Variants in TENT2 observed in about 807,000 individuals in gnomAD.
TENT2 encodes poly(A) RNA polymerase GLD2.
Under a neutral mutation model 72.2 loss-of-function variants are expected in TENT2, and 44 were observed. The observed-to-expected ratio is 0.61, with a 90% CI of 0.48 to 0.78. TENT2 has a LOEUF of 0.78. TENT2 is among the 30% of genes least tolerant of loss of function. TENT2 has a pLI of 0.00. For missense variants in TENT2, 541 were observed against 569.6 expected (o/e 0.95, Z 0.51); for synonymous variants, 212 against 192.5 (o/e 1.10, Z -0.84).
intron 3 of TENT2, among the ~76,000 whole-genome samples, chr5:79,622,115 A>G (rs1429516948): frequency 6.6e-6 from 1 of 152,178 alleles, no homozygotes; most frequent in Non-Finnish European, 1.5e-5. Context: ...AGCCTGGCCA[A>G]CATGGTGAAA....
chr5:79,666,210 A>G (rs940722789), intron 11 of TENT2, among the ~76,000 whole-genome samples: 1 of 149,906 alleles, frequency 6.7e-6, no homozygotes, highest in Non-Finnish European at 1.5e-5. Flanking sequence ...GCTGGTCTCG[A>G]ACTCCTGACC....
At position 79,649,068 on chromosome 5, in the gene TENT2, A is replaced by C; in HGVS notation, c.905A>C (p.Asn302Thr). Reference protein sequence around the residue: ...FLLRTYAYLENRVRPLVLVIK... With the variant: ...FLLRTYAYLETRVRPLVLVIK... ...GTTTTAATTTTACTTTCAGTTGAAA[A>C]TCGAGTTCGTCCGTTAGTGCTGGTG... Residue 302 changes from asparagine to threonine, a missense_variant, in exon 10 of 15, where the codon AAT becomes ACT. Physicochemically the swap from Asn to Thr is moderately conservative, Grantham distance 65. Coordinates refer to ENST00000453514, the MANE Select transcript of TENT2 (RefSeq NM_001114394.3). The C allele has an allele frequency of 6.2e-7, 1 of 1,613,156 alleles. No homozygotes were observed. The highest frequency in any genetic ancestry group is 8.5e-7 in the Non-Finnish European group (1 of 1,179,518).
chr5:79,663,196 G>T (rs1339980787), intron 11 of TENT2, among the ~76,000 whole-genome samples: 1 of 152,182 alleles, frequency 6.6e-6, no homozygotes, highest in African/African-American at 2.4e-5. Context: ...TTGGCTTAAA[G>T]AAGTATTTTG....
chr5:79,636,996 A>G (rs895127079), intron 4 of TENT2, among the ~76,000 whole-genome samples: 3 of 152,194 alleles, frequency 2.0e-5, no homozygotes, highest in African/African-American at 7.2e-5. Context: ...TTTTGTTTAC[A>G]CATTCTTCTG....
intron 4 of TENT2, 29 bp from the exon 5 acceptor site, chr5:79,640,822 C>G: frequency 6.7e-7 from 1 of 1,481,616 alleles, no homozygotes; most frequent in Non-Finnish European, 9.3e-7. Context: ...CTGAACAAAA[C>G]TTTTACTTTT....
chr5:79,613,787 C>T (rs867746607), intron 1 of TENT2: 2 of 152,244 alleles, frequency 1.3e-5, no homozygotes, highest in South Asian at 4.1e-4. Flanking sequence ...CTGTTCAAAA[C>T]CTGGAAGTAG....
At position 79,687,529 on chromosome 5, in the gene TENT2, T is replaced by A. The variant is rs1446244242; in HGVS notation, c.*2256T>A. 6.6e-6 allele frequency among the ~76,000 whole-genome samples: 1 copy of A among 152,206 alleles called. No individual in the cohort carries two copies. The highest frequency in any genetic ancestry group is 2.4e-5 in the African/African-American group (1 of 41,450). ...TTTAAATCATCTCTAAATTACCTGA[T>A]ACGTAATACAATGTAAATGCTATGT... On this transcript the variant is annotated 3_prime_UTR_variant, in exon 15 of 15. Transcript: ENST00000453514.
At chr5:79,626,869 C>A (rs944864991) in intron 4 of TENT2, among the ~76,000 whole-genome samples, 1 of 151,950 alleles carries the variant, frequency 6.6e-6, no homozygotes, top group Admixed American at 6.6e-5. Context: ...TGGTGGCTCA[C>A]GCCTGTAATC....
At chr5:79,657,206 G>C (rs1444362546) in intron 11 of TENT2, among the ~76,000 whole-genome samples, 2 of 151,972 alleles carry the variant, frequency 1.3e-5, no homozygotes, top group Admixed American at 6.5e-5. Context: ...CAGACAGTCT[G>C]GTCAGTTGTG....
At chr5:79,663,847 A>G (rs749427261) in intron 11 of TENT2, among the ~76,000 whole-genome samples, 2 of 152,210 alleles carry the variant, frequency 1.3e-5, no homozygotes, top group Non-Finnish European at 2.9e-5. Context: ...TTCAATTTGT[A>G]AAAACTGCAG....
At chr5:79,676,540 T>C (rs1817492094) in intron 12 of TENT2, among the ~76,000 whole-genome samples, 2 of 152,048 alleles carry the variant, frequency 1.3e-5, no homozygotes, top group African/African-American at 4.8e-5. Flanking sequence ...TGAACTGGGA[T>C]TGCGTCACTG....
At chr5:79,679,755 A>C in intron 13 of TENT2, 85 bp downstream of exon 13, 1 of 717,780 alleles carries the variant, frequency 1.4e-6, no homozygotes, top group Non-Finnish European at 2.1e-6. Context: ...GTTAAAAGTA[A>C]TACATTTATG....
At chr5:79,638,311 GC>G (rs1297548140) in intron 4 of TENT2, among the ~76,000 whole-genome samples, 1 of 152,012 alleles carries the variant, frequency 6.6e-6, no homozygotes, top group East Asian at 1.9e-4. Flanking sequence ...CCTTTCACCT[GC>G]CCTGCCTGGT....
chr5:79,636,096 A>G (rs370365273), intron 4 of TENT2, among the ~76,000 whole-genome samples: 15 of 170 alleles, frequency 0.088, no homozygotes, highest in East Asian at 0.36. Flanking sequence ...TAGTTCGCCA[A>G]CCCTGCTCTA....
chr5:79,651,905 G>A lies in TENT2; in HGVS notation c.1027+2715G>A, dbSNP rs1794437218. ...AAATTGGCATTCTACATTCTTGACAGAATATAATCTTATACTCTGTCCTGT... is the reference window on the plus strand; with the variant it reads ...AAATTGGCATTCTACATTCTTGACAAAATATAATCTTATACTCTGTCCTGT... On this transcript the variant is annotated intron_variant, in intron 10 of 14. Coordinates refer to ENST00000453514, the MANE Select transcript of TENT2 (RefSeq NM_001114394.3). Among the ~76,000 whole-genome samples, 3 of 152,044 alleles carry A rather than the reference G, an allele frequency of 2.0e-5. No individual in the cohort carries two copies. In the South Asian group the frequency reaches 6.2e-4, roughly 31 times the overall value.
At position 79,683,944 on chromosome 5, in the gene TENT2, A is replaced by AAAG. The variant is rs1824461392; in HGVS notation, c.1381-1253_1381-1252insGAA. Among the ~76,000 whole-genome samples, 5 of 148,640 alleles carry AAAG rather than the reference A, an allele frequency of 3.4e-5. No homozygotes were observed. The South Asian group carries it at 1.1e-3, about 32-fold the overall frequency. The stretch of plus-strand genomic sequence containing the variant: ...GTCTCAAAAAAAAAAAAAAAAAAAA[A>AAAG]AAAAAAAAGAAATTCTTTAATTTTA... On this transcript the variant is annotated intron_variant, in intron 14 of 14. Coordinates refer to ENST00000453514, the MANE Select transcript of TENT2 (RefSeq NM_001114394.3).
At chr5:79,681,306 CG>C (rs1424317747) in intron 13 of TENT2, among the ~76,000 whole-genome samples, 1 of 151,278 alleles carries the variant, frequency 6.6e-6, no homozygotes, top group Non-Finnish European at 1.5e-5. Context: ...ACTACAGGCG[CG>C]CACCACCATG....
Position 79,628,014 on chromosome 5 carries a change from T to C in TENT2, c.465+4525T>C, listed in dbSNP as rs933139172. Among the ~76,000 whole-genome samples, 5 of 152,196 alleles carry C rather than the reference T, an allele frequency of 3.3e-5. No individual in the cohort carries two copies. In the South Asian group the frequency reaches 1.0e-3, roughly 32 times the overall value. ...AGGCTCAGAAAGCTAAATAACTTGC[T>C]CAGGGTTACAGCTAGTAAGTGGTAA... is the stretch of plus-strand genomic sequence containing the variant. On this transcript the variant is annotated intron_variant, in intron 4 of 14. Transcript: ENST00000453514.
In TENT2 at chr5:79,649,013, A is replaced by G. The variant is rs201402301; in HGVS notation, c.899-49A>G. The G allele has an allele frequency of 2.0e-5, 31 of 1,584,398 alleles. No homozygotes were observed. The East Asian group carries it at 6.6e-4, about 34-fold the overall frequency. On this transcript the variant is annotated intron_variant, in intron 9 of 14. Coordinates refer to ENST00000453514, the MANE Select transcript of TENT2 (RefSeq NM_001114394.3). ...AGCTGGGAAATGATGTAAACTTTCA[A>G]AGAAACTATAACGTCTCTTACCATG...
Sources: gnomAD v4.1 joint callset for allele counts (sites outside exome capture counted in the v4.1 genomes callset) on GRCh38, gnomAD v4.1.1 for gene constraint, MANE v1.5 for transcripts, NCBI Gene and HGNC (gene_info 2026-07-23, HGNC 2026-07-21) for gene names.